MGAT4C: variants seen among roughly 807,000 people sequenced by gnomAD.
MGAT4C encodes the protein MGAT4 family member C, also known as alpha-1,3-mannosyl-glycoprotein 4-beta-N-acetylglucosaminyltransferase C.
MGAT4C carries 19 observed loss-of-function variants against 40.1 expected under a neutral mutation model. The observed-to-expected ratio is 0.47, with a 90% CI of 0.33 to 0.70. The LOEUF (loss-of-function observed/expected upper bound fraction) is 0.70, where lower values mean the gene tolerates loss of function less well. Among genes scored for constraint, MGAT4C ranks in the 30% least tolerant of loss-of-function variants. The probability of loss-of-function intolerance (pLI) is 0.02; values close to 1 mark genes in which losing one functional copy is unlikely to be tolerated. For missense variants in MGAT4C, 491 were observed against 563.2 expected, an observed-to-expected ratio of 0.87 and a Z score of 1.30; for synonymous variants, 181 against 187.1, an observed-to-expected ratio of 0.97 and a Z score of 0.27.
At position 86,481,555 on chromosome 12, in the gene MGAT4C, G is replaced by T. The variant is rs528269593; in HGVS notation, c.-228-46290C>A. Among the ~76,000 whole-genome samples the T allele has an allele frequency of 3.2e-4, 48 of 151,966 alleles. No individual in the cohort carries two copies. The Middle Eastern group carries it at 0.01, about 32-fold the overall frequency. On this transcript the variant is annotated intron_variant, in intron 2 of 7. Coordinates refer to the MGAT4C transcript ENST00000548651. ...AAGAATCTTCATAGCAGTATTATTT[G>T]CATACACATACATATACATAAAGAA...
rs930233563 is a variant in MGAT4C at position 85,970,358 on chromosome 12, A to G, written c.*8931T>C. 5.9e-5 allele frequency: 9 copies of G among 151,300 alleles called. No individual in the cohort carries two copies. Among genetic ancestry groups the G allele is most frequent in the Admixed American group, 4.0e-4 (6 of 15,144 alleles). 9.4% of individuals were successfully genotyped at this position (151,300 alleles called of 1,614,324 possible). A position where few individuals can be genotyped will look rare whatever the true frequency, so the allele number is the denominator to read the frequency against. ...GTAAATTTTGAATCATCTGGTAAAA[A>G]TGGACAAAATTTAGTTTTATCTTGT... On this transcript the variant is annotated 3_prime_UTR_variant, in exon 5 of 5. Coordinates refer to ENST00000611864, the MANE Select transcript of MGAT4C (RefSeq NM_001351288.2).
At chr12:86,587,946 C>T (rs532872921) in intron 2 of MGAT4C, among the ~76,000 whole-genome samples, 2,098 of 151,996 alleles carry the variant, frequency 0.014, 25 homozygotes, top group Middle Eastern at 0.034. Flanking sequence ...TTATTTCCTT[C>T]TCCTGACTGA....
rs191432745 is a variant in MGAT4C at position 86,793,445 on chromosome 12, A to G, written c.-262+45221T>C. ...CTGGGTTTTAGAAATATTTTTATTTAATTTTCACTTTGTTTATATTTATTT... is the reference window on the plus strand; with the variant it reads ...CTGGGTTTTAGAAATATTTTTATTTGATTTTCACTTTGTTTATATTTATTT... On this transcript the variant is annotated intron_variant, in intron 1 of 7. Coordinates refer to the MGAT4C transcript ENST00000548651. 3.5e-4 allele frequency among the ~76,000 whole-genome samples: 53 copies of G among 152,148 alleles called. 1 individual carries two copies. The East Asian group carries it at 9.9e-3, about 28-fold the overall frequency.
intron 1 of MGAT4C, among the ~76,000 whole-genome samples, chr12:86,182,719 T>C (rs1045312963): frequency 6.6e-6 from 1 of 152,182 alleles, no homozygotes; most frequent in Non-Finnish European, 1.5e-5. Flanking sequence ...TAGATTGACA[T>C]AAAGCAGCCA....
chr12:86,760,343 T>C (rs1205369186), intron 1 of MGAT4C, among the ~76,000 whole-genome samples: 5 of 152,242 alleles, frequency 3.3e-5, no homozygotes, highest in South Asian at 2.1e-4. Flanking sequence ...GAAAGCTCCA[T>C]GACACTGACT....
intron 1 of MGAT4C, among the ~76,000 whole-genome samples, chr12:86,194,041 C>T (rs901288094): frequency 6.6e-6 from 1 of 151,974 alleles, no homozygotes; most frequent in Non-Finnish European, 1.5e-5. Flanking sequence ...TTGATCATGT[C>T]TAATAAATCT....
intron 2 of MGAT4C, among the ~76,000 whole-genome samples, chr12:86,520,406 CT>C (rs1394589221): frequency 6.6e-6 from 1 of 152,112 alleles, no homozygotes; most frequent in Non-Finnish European, 1.5e-5. Flanking sequence ...CGATCTCATT[CT>C]TTTTTATGGC....
At chr12:86,294,528 A>T (rs1953613579) in intron 4 of MGAT4C, among the ~76,000 whole-genome samples, 1 of 152,186 alleles carries the variant, frequency 6.6e-6, no homozygotes, top group Non-Finnish European at 1.5e-5. Context: ...AAATCAAAAC[A>T]AAAAGAGAAC....
chr12:86,543,540 T>A (rs1015621840), intron 2 of MGAT4C, among the ~76,000 whole-genome samples: 4 of 152,110 alleles, frequency 2.6e-5, no homozygotes, highest in African/African-American at 9.7e-5. Flanking sequence ...ATGTTCCAGG[T>A]ATAGTACTAA....
chr12:86,235,325 T>C (rs74516871), intron 1 of MGAT4C, among the ~76,000 whole-genome samples: 3,230 of 152,196 alleles, frequency 0.021, 97 homozygotes, highest in African/African-American at 0.073. Context: ...GTTTTAAGAT[T>C]ATCTAGCTTC....
rs1883303872 is a variant in MGAT4C at position 85,965,356 on chromosome 12, GT to G, written c.*13932del. Reference sequence around the variant, plus strand: ...CTCACGCATGTAATCCCAGCACTTTGTGAGGCCGAGGCGGGAGGATCACGAG... The same window carrying G: ...CTCACGCATGTAATCCCAGCACTTTGGAGGCCGAGGCGGGAGGATCACGAG... On this transcript the variant is annotated 3_prime_UTR_variant, in exon 5 of 5. Transcript: ENST00000611864. The G allele has an allele frequency of 6.6e-6, 1 of 152,084 alleles. No individual in the cohort carries two copies. Among genetic ancestry groups the G allele is most frequent in the African/African-American group, 2.4e-5 (1 of 41,388 alleles). 9.4% of individuals were successfully genotyped at this position (152,084 alleles called of 1,614,324 possible).
At chr12:86,666,794 A>G (rs1964118508) in intron 2 of MGAT4C, among the ~76,000 whole-genome samples, 1 of 152,204 alleles carries the variant, frequency 6.6e-6, no homozygotes, top group South Asian at 2.1e-4. Context: ...GATGTCCTTA[A>G]ACAGTGAAGC....
chr12:86,769,065 A>C (rs1047343846), intron 1 of MGAT4C, among the ~76,000 whole-genome samples: 3 of 152,112 alleles, frequency 2.0e-5, no homozygotes, highest in African/African-American at 7.2e-5. Context: ...AGAAACTACC[A>C]TCAGAGTGAA....
At chr12:86,211,406 CAAAAAAAAAAAAAAA>C (rs58874795) in intron 1 of MGAT4C, among the ~76,000 whole-genome samples, 8 of 35,516 alleles carry the variant, frequency 2.3e-4, no homozygotes, top group African/African-American at 4.1e-4. Context: ...ACTACAAATA[CAAAAAAAAAAAAAAA>C]AAAAAAAAAA....
intron 3 of MGAT4C, among the ~76,000 whole-genome samples, chr12:86,430,341 T>A (rs566040022): frequency 6.6e-6 from 1 of 152,288 alleles, no homozygotes; most frequent in East Asian, 1.9e-4. Context: ...TAATCCTGTG[T>A]CCTTATGTTG....
intron 4 of MGAT4C, among the ~76,000 whole-genome samples, chr12:86,317,258 G>T (rs943063660): frequency 6.6e-6 from 1 of 152,178 alleles, no homozygotes; most frequent in South Asian, 2.1e-4. Flanking sequence ...GGCAGAGGCT[G>T]TGTGTTAGAA....
chr12:86,199,709 T>C (rs1468422656), intron 1 of MGAT4C, among the ~76,000 whole-genome samples: 4 of 152,150 alleles, frequency 2.6e-5, no homozygotes, highest in Non-Finnish European at 4.4e-5. Flanking sequence ...GAATGTAAAA[T>C]GCTTAGTGAA....
At chr12:86,819,853 A>G (rs1952676014) in intron 1 of MGAT4C, among the ~76,000 whole-genome samples, 2 of 145,910 alleles carry the variant, frequency 1.4e-5, no homozygotes, top group South Asian at 4.4e-4. Context: ...AAAAATGTCT[A>G]GTTCCAAACA....
Position 85,971,965 on chromosome 12 carries a change from A to G in MGAT4C, c.*7324T>C, listed in dbSNP as rs889828999. The G allele has an allele frequency of 6.6e-6, 1 of 151,190 alleles. No homozygotes were observed. The highest frequency in any genetic ancestry group is 2.1e-4 in the South Asian group (1 of 4,832). 9.4% of individuals were successfully genotyped at this position (151,190 alleles called of 1,614,324 possible). A position where few individuals can be genotyped will look rare whatever the true frequency, so the allele number is the denominator to read the frequency against. The stretch of plus-strand genomic sequence containing the variant: ...TGAATGTGTCTTTTCTACTTTGACT[A>G]TATTTACCATTGACTACAGTAACTC... On this transcript the variant is annotated 3_prime_UTR_variant, in exon 5 of 5. Coordinates refer to ENST00000611864, the MANE Select transcript of MGAT4C (RefSeq NM_001351288.2).
Sources: allele counts gnomAD v4.1 joint callset (sites outside exome capture counted in the v4.1 genomes callset), GRCh38; gene constraint gnomAD v4.1.1; transcripts MANE v1.5; gene names NCBI Gene and HGNC (gene_info 2026-07-23, HGNC 2026-07-21).